WFS1: variants seen among roughly 807,000 people sequenced by gnomAD.
The protein encoded by WFS1 is wolframin ER transmembrane glycoprotein.
Under a neutral mutation model 68.5 loss-of-function variants are expected in WFS1, and 90 were observed. That is an observed-to-expected ratio of 1.31 (90% CI 1.11 to 1.56). The LOEUF is 1.56. Among genes scored for constraint, WFS1 ranks in the 40% most tolerant of loss-of-function variants. WFS1 has a pLI of 0.00. For missense variants in WFS1, 1,767 were observed against 1,232.6 expected, an observed-to-expected ratio of 1.43 and a Z score of -6.49; for synonymous variants, 860 against 540.7, an observed-to-expected ratio of 1.59 and a Z score of -8.19.
In WFS1 at chr4:6,302,829, C is replaced by G. The variant is rs1171785248; in HGVS notation, c.*361C>G. ...CCTTCAAGCACCCTGTTCCCTCTTT[C>G]TTTCTTTTGTGTTGGATTTGTTTAA... is the stretch of plus-strand genomic sequence containing the variant. On this transcript the variant is annotated 3_prime_UTR_variant, in exon 8 of 8. Transcript: ENST00000226760. The G allele has an allele frequency of 2.7e-6, 1 of 364,092 alleles. No individual in the cohort carries two copies. The highest frequency in any genetic ancestry group is 5.0e-6 in the Non-Finnish European group (1 of 199,412). 22.6% of individuals were successfully genotyped at this position (364,092 alleles called of 1,614,324 possible).
rs1202643262 is a variant in WFS1 at position 6,300,526 on chromosome 4, G to A, written c.862-131G>A. ...GGGGGGAGGGAGGACCACTAGGATG[G>A]GGCTGGTGATGGGAAAACGCAAGGG... On this transcript the variant is annotated intron_variant, in intron 7 of 7. Transcript: ENST00000226760. The A allele has an allele frequency of 3.6e-6, 5 of 1,383,296 alleles. No homozygotes were observed. In the Admixed American group the frequency reaches 7.9e-5, roughly 22 times the overall value. 85.7% of individuals were successfully genotyped at this position (1,383,296 alleles called of 1,614,324 possible). A position where few individuals can be genotyped will look rare whatever the true frequency, so the allele number is the denominator to read the frequency against.
At position 6,301,864 on chromosome 4, in the gene WFS1, G is replaced by A; in HGVS notation, c.2069G>A (p.Cys690Tyr). 2 of 1,612,876 alleles carry A rather than the reference G, an allele frequency of 1.2e-6. No homozygotes were observed. Among genetic ancestry groups the A allele is most frequent in the East Asian group, 2.2e-5 (1 of 44,872 alleles). The change falls in exon 8 of 8, where the codon TGC becomes TAC. Residue 690 changes from cysteine (C) to tyrosine (Y), a missense_variant. Cys to Tyr is a radical substitution (Grantham distance 194). Coordinates refer to ENST00000226760, the MANE Select transcript of WFS1 (RefSeq NM_006005.3). Reference sequence around the variant, plus strand: ...AACATGGCGCGCACCCAGATCCTCTGCAGCCACCTGGAGGGCCACAGGGTC... The same window carrying A: ...AACATGGCGCGCACCCAGATCCTCTACAGCCACCTGGAGGGCCACAGGGTC... The part of the protein sequence containing the change: ...ETNMARTQIL[C>Y]SHLEGHRVTW...
chr4:6,286,007 C>T (rs2109113244), intron 2 of WFS1, among the ~76,000 whole-genome samples: 1 of 152,226 alleles, frequency 6.6e-6, no homozygotes. Context: ...AAAATGACTT[C>T]CCAAAAGAAA....
At chr4:6,281,539 G>A (rs528787930) in intron 2 of WFS1, among the ~76,000 whole-genome samples, 1 of 152,330 alleles carries the variant, frequency 6.6e-6, no homozygotes, top group African/African-American at 2.4e-5. Context: ...AGGGGAGAAA[G>A]CCAGGGTGGC....
chr4:6,290,529 T>C (rs149138074), intron 4 of WFS1, among the ~76,000 whole-genome samples: 4 of 152,352 alleles, frequency 2.6e-5, no homozygotes, highest in Non-Finnish European at 4.4e-5. Context: ...AGTTGTGCTT[T>C]CTGATTTGAA....
chr4:6,299,619 C>CGT (rs147141787), intron 7 of WFS1, among the ~76,000 whole-genome samples: 8,190 of 21,570 alleles, frequency 0.38, 3,130 homozygotes, highest in East Asian at 0.82. Context: ...AGGTAGGTTG[C>CGT]GTGTGTGTGT....
Position 6,302,400 on chromosome 4 carries a change from AGCACCGTGCATG to A in WFS1, c.2608_2619del (p.Thr870_Gly873del). 1.9e-6 allele frequency: 3 copies of A among 1,613,158 alleles called. No homozygotes were observed. The highest frequency in any genetic ancestry group is 2.5e-6 in the Non-Finnish European group (3 of 1,180,020). Reference sequence around the variant, plus strand: ...CGTGAAGATCGAGCACGACTGGCGCAGCACCGTGCATGGCGCCGTGAAGTTCGCCTTCGACTT... The same window carrying A: ...CGTGAAGATCGAGCACGACTGGCGCAGCGCCGTGAAGTTCGCCTTCGACTT... On this transcript the variant is annotated inframe_deletion, in exon 8 of 8. Coordinates refer to ENST00000226760, the MANE Select transcript of WFS1 (RefSeq NM_006005.3).
At chr4:6,291,094 T>A (rs1323976770) in intron 4 of WFS1, 103 bp from the exon 5 acceptor site, 19 of 1,336,918 alleles carry the variant, frequency 1.4e-5, no homozygotes, top group Non-Finnish European at 2.0e-5. Context: ...ACACCTTCTA[T>A]GAGTCTCGCT....
chr4:6,299,974 C>T (rs986437145), intron 7 of WFS1, among the ~76,000 whole-genome samples: 4 of 148,902 alleles, frequency 2.7e-5, no homozygotes, highest in East Asian at 1.9e-4. Flanking sequence ...TGTGTGTGCA[C>T]GTGTGTGTAC....
intron 2 of WFS1, among the ~76,000 whole-genome samples, chr4:6,285,654 C>A (rs956133855): frequency 6.6e-6 from 1 of 152,222 alleles, no homozygotes; most frequent in African/African-American, 2.4e-5. Flanking sequence ...TTGCACCTGG[C>A]CACATCCCAT....
chr4:6,294,868 C>T, intron 6 of WFS1, 173 bp from the exon 7 acceptor site: 7 of 1,050,538 alleles, frequency 6.7e-6, no homozygotes, highest in Non-Finnish European at 9.8e-6. Context: ...TCCTCCTCAC[C>T]CAGCCTGGTC....
At chr4:6,288,027 G>A (rs1730361362) in intron 3 of WFS1, among the ~76,000 whole-genome samples, 1 of 152,100 alleles carries the variant, frequency 6.6e-6, no homozygotes, top group Non-Finnish European at 1.5e-5. Context: ...GACCAGCCTG[G>A]CCAACATGAT....
intron 6 of WFS1, 84 bp downstream of exon 6, chr4:6,292,081 C>T (rs1730482085): frequency 7.2e-7 from 1 of 1,383,496 alleles, no homozygotes; most frequent in Admixed American, 2.0e-5. Context: ...CGACTCCATC[C>T]TGGCCTGCCC....
At chr4:6,274,429 T>C (rs921731881) in intron 1 of WFS1, among the ~76,000 whole-genome samples, 1 of 151,858 alleles carries the variant, frequency 6.6e-6, no homozygotes, top group Non-Finnish European at 1.5e-5. Flanking sequence ...ATGTGGGAGG[T>C]GCTATCCCCA....
At chr4:6,285,190 C>CGTCCAGGGAGAGTTAG (rs1730279423) in intron 2 of WFS1, among the ~76,000 whole-genome samples, 1 of 149,274 alleles carries the variant, frequency 6.7e-6, no homozygotes, top group Non-Finnish European at 1.5e-5. Context: ...GGGAGAGTTA[C>CGTCCAGGGAGAGTTAG]GTCCAGGGAG....
chr4:6,302,105 C>G lies in WFS1; in HGVS notation c.2310C>G (p.Phe770Leu), dbSNP rs34384569. ...AGCACCCCTGCCACATCAAGAAGTT[C>G]GACCGCTACAAGTTTGAGATTACCG... ...LAKHPCHIKK[F>L]DRYKFEITVG... is the part of the protein sequence containing the mutation. The change falls in exon 8 of 8, where the codon TTC (phenylalanine) becomes TTG (leucine). Residue 770 changes from phenylalanine to leucine, a missense_variant. Physicochemically the swap from Phe to Leu is conservative, Grantham distance 22. Coordinates refer to ENST00000226760, the MANE Select transcript of WFS1 (RefSeq NM_006005.3). The G allele has an allele frequency of 6.2e-7, 1 of 1,612,820 alleles. No individual in the cohort carries two copies. The highest frequency in any genetic ancestry group is 1.3e-5 in the African/African-American group (1 of 74,946).
At position 6,292,017 on chromosome 4, in the gene WFS1, C is replaced by T. The variant is rs768683463; in HGVS notation, c.712+20C>T. Reference sequence around the variant, plus strand: ...GCGAGTGTGAGTGCAGCCCCTGCCCCGTCTCACCCATGCCTCCCAGCCTGC... The same window carrying T: ...GCGAGTGTGAGTGCAGCCCCTGCCCTGTCTCACCCATGCCTCCCAGCCTGC... On this transcript the variant is annotated intron_variant, in intron 6 of 7. Coordinates refer to ENST00000226760, the MANE Select transcript of WFS1 (RefSeq NM_006005.3). 27 of 1,591,740 alleles carry T rather than the reference C, an allele frequency of 1.7e-5. No homozygotes were observed. Among genetic ancestry groups the T allele is most frequent in the African/African-American group, 2.7e-5 (2 of 74,532 alleles).
Position 6,301,594 on chromosome 4 carries a change from C to T in WFS1, c.1799C>T (p.Thr600Ile), listed in dbSNP as rs886059530. ...CTGGAGCTCACCAAGATCGCAGTCA[C>T]CGTGGCGGTCTGTAGTGTGCCCCTG... ...TSLELTKIAVTVAVCSVPLLL... is the reference protein window; with the variant it reads ...TSLELTKIAVIVAVCSVPLLL... Residue 600 changes from threonine (T) to isoleucine (I), a missense_variant, in exon 8 of 8, where the codon ACC (threonine) becomes ATC (isoleucine). Thr to Ile is a moderately conservative substitution (Grantham distance 89). Transcript: ENST00000226760. The T allele has an allele frequency of 3.1e-6, 5 of 1,614,182 alleles. No individual in the cohort carries two copies. Among genetic ancestry groups the T allele is most frequent in the Non-Finnish European group, 4.2e-6 (5 of 1,180,022 alleles).
At chr4:6,275,101 G>A (rs1729955597) in intron 1 of WFS1, among the ~76,000 whole-genome samples, 1 of 152,128 alleles carries the variant, frequency 6.6e-6, no homozygotes, top group Non-Finnish European at 1.5e-5. Flanking sequence ...TACCTTCCAG[G>A]GCCATACGAG....
Sources: allele counts gnomAD v4.1 joint callset (sites outside exome capture counted in the v4.1 genomes callset), GRCh38; gene constraint gnomAD v4.1.1; transcripts MANE v1.5; gene names NCBI Gene and HGNC (gene_info 2026-07-23, HGNC 2026-07-21).